DOK4: variants seen among roughly 807,000 people sequenced by gnomAD.
DOK4 encodes the protein docking protein 4.
Under a neutral mutation model 40.1 loss-of-function variants are expected in DOK4, and 26 were observed. The ratio of observed to expected loss-of-function variants is 0.65; its 90% CI spans 0.48 to 0.90. The LOEUF (loss-of-function observed/expected upper bound fraction) is 0.90. DOK4 is among the 40% of genes least tolerant of loss of function. The pLI, the probability that DOK4 is intolerant of heterozygous loss-of-function variation, is 0.00. For synonymous variants in DOK4, 179 were observed against 177.0 expected, an observed-to-expected ratio of 1.01 and a Z score of -0.09; for missense variants, 392 against 437.2, an observed-to-expected ratio of 0.90 and a Z score of 0.92.
Position 57,479,597 on chromosome 16 carries a change from G to C in DOK4, c.-90C>G, listed in dbSNP as rs1157395663. 7.0e-7 allele frequency: 1 copy of C among 1,431,514 alleles called. No homozygotes were observed. Among genetic ancestry groups the C allele is most frequent in the Non-Finnish European group, 9.7e-7 (1 of 1,027,068 alleles). 88.7% of individuals were successfully genotyped at this position (1,431,514 alleles called of 1,614,324 possible). A position where few individuals can be genotyped will look rare whatever the true frequency, so the allele number is the denominator to read the frequency against. On this transcript the variant is annotated 5_prime_UTR_variant, in exon 2 of 9. Transcript: ENST00000340099. The surrounding 1 kb of genome is among the most constrained non-coding windows in gnomAD (Gnocchi z 5.8). ...GGGTCTCCGGCTCCTCCAATCACCTGTTCCAGACACTCTGTCGGGGCTGCC... is the reference window on the plus strand; with the variant it reads ...GGGTCTCCGGCTCCTCCAATCACCTCTTCCAGACACTCTGTCGGGGCTGCC...
chr16:57,474,062 A>G, intron 6 of DOK4, 23 bp from the exon 7 acceptor site: 1 of 1,613,302 alleles, frequency 6.2e-7, no homozygotes, highest in Middle Eastern at 1.7e-4. Flanking sequence ...CACAGAGGGC[A>G]AGATGGTGGG....
At chr16:57,486,932 T>C (rs759684520), upstream of DOK4, among the ~76,000 whole-genome samples, 56 of 152,096 alleles carry the variant, frequency 3.7e-4, no homozygotes, top group Non-Finnish European at 5.1e-4. Flanking sequence ...CCTCCTCTGC[T>C]ACCCCTCCTC....
chr16:57,475,047 T>C (rs542740645), intron 5 of DOK4, 53 bp downstream of exon 5: 5 of 1,549,248 alleles, frequency 3.2e-6, no homozygotes, highest in Admixed American at 3.4e-5. Flanking sequence ...CCTCCCTCCC[T>C]TCCTCTCTTC....
In DOK4 at chr16:57,485,990, G is replaced by T. The variant is rs940844236; in HGVS notation, c.-182+315C>A. Among the ~76,000 whole-genome samples the T allele has an allele frequency of 2.0e-5, 3 of 152,186 alleles. No homozygotes were observed. The highest frequency in any genetic ancestry group is 4.4e-5 in the Non-Finnish European group (3 of 68,020). On this transcript the variant is annotated intron_variant, in intron 1 of 8. Transcript: ENST00000340099. This position sits in a 1 kb window ranked among gnomAD's most constrained non-coding sequence, Gnocchi z 4.3. ...GGCTGGGTTATGCCCCTTCCGGGGG[G>T]GCAGGCCCGGGAGCGCAGGGCCTGG...
At chr16:57,486,208 G>A (rs1203631459) in intron 1 of DOK4, 97 bp downstream of exon 1, 1 of 152,168 alleles carries the variant, frequency 6.6e-6, no homozygotes, top group Non-Finnish European at 1.5e-5. Flanking sequence ...TCAGGTTCAG[G>A]AAGTGACTGA....
At position 57,479,046 on chromosome 16, in the gene DOK4, G is replaced by A. The variant is rs1027777922; in HGVS notation, c.66+396C>T. ...GGGAGGCCGGGGGTGGGGGGCAAAC[G>A]GAAGGGAGAGGAGGCCAGGGGAAGT... On this transcript the variant is annotated intron_variant, in intron 2 of 8. Transcript: ENST00000340099. This position sits in a 1 kb window ranked among gnomAD's most constrained non-coding sequence, Gnocchi z 5.8. Among the ~76,000 whole-genome samples the A allele has an allele frequency of 3.3e-5, 5 of 152,160 alleles. No homozygotes were observed. Among genetic ancestry groups the A allele is most frequent in the South Asian group, 2.1e-4 (1 of 4,826 alleles).
chr16:57,481,030 C>G (rs2031392719), intron 1 of DOK4, among the ~76,000 whole-genome samples: 1 of 152,138 alleles, frequency 6.6e-6, no homozygotes, highest in Non-Finnish European at 1.5e-5. Context: ...CAATGTGGCC[C>G]CTGTGTCTTC....
chr16:57,486,664 A>C (rs1378492626), upstream of DOK4, among the ~76,000 whole-genome samples: 3 of 90,452 alleles, frequency 3.3e-5, no homozygotes, highest in African/African-American at 8.6e-5. Context: ...GCTCATTCCC[A>C]CCGCCCCTCC....
chr16:57,474,988 G>A lies in DOK4; in HGVS notation c.410-6C>T. 1 of 1,603,816 alleles carries A rather than the reference G, an allele frequency of 6.2e-7. No individual in the cohort carries two copies. Reference sequence around the variant, plus strand: ...CAGGAAGACATTGAAGCGATCTGGAGTGGGGGAGGGTGGACAAGTGGGACC... The same window carrying A: ...CAGGAAGACATTGAAGCGATCTGGAATGGGGGAGGGTGGACAAGTGGGACC... On this transcript the variant is annotated splice_polypyrimidine_tract_variant and splice_region_variant and intron_variant, in intron 5 of 8. Transcript: ENST00000340099.
At chr16:57,476,193 C>A in intron 2 of DOK4, 1 of 546,278 alleles carries the variant, frequency 1.8e-6, no homozygotes, top group Non-Finnish European at 3.3e-6. Flanking sequence ...CGCTGTTCCA[C>A]AAAGGGTGCT....
rs755285438 is a variant in DOK4, at chr16:57,474,089, G to A, written c.600-50C>T. ...GATGGTGGGGACCCACCACAGACAT[G>A]CATGTGATTAGTTAGGCTCTCTTGC... On this transcript the variant is annotated intron_variant, in intron 6 of 8. Transcript: ENST00000340099. 8.1e-6 allele frequency: 13 copies of A among 1,606,972 alleles called. No individual in the cohort carries two copies. The South Asian group carries it at 1.4e-4, about 18-fold the overall frequency.
chr16:57,483,233 G>T (rs963092809), intron 1 of DOK4, among the ~76,000 whole-genome samples: 1 of 152,202 alleles, frequency 6.6e-6, no homozygotes, highest in Non-Finnish European at 1.5e-5. Flanking sequence ...AGTGGTGAGG[G>T]GGGGGCCCAG....
intron 1 of DOK4, among the ~76,000 whole-genome samples, chr16:57,483,555 A>C (rs1303711254): frequency 6.6e-6 from 1 of 152,192 alleles, no homozygotes; most frequent in African/African-American, 2.4e-5. Flanking sequence ...ACTTGAGCTC[A>C]GGAATTCCAG....
exon 6 of DOK4, chr16:57,474,953 G>T: frequency 6.2e-7 from 1 of 1,612,654 alleles, no homozygotes. Flanking sequence ...TCCAGGTTGG[G>T]GCAGGGCAGC....
rs2146670119 is a variant in DOK4, at chr16:57,483,324, A to G, written c.-182+2981T>C. Among the ~76,000 whole-genome samples the G allele has an allele frequency of 2.6e-5, 4 of 152,326 alleles. 1 individual carries two copies. The highest frequency in any genetic ancestry group is 2.6e-4 in the Admixed American group (4 of 15,300). Reference sequence around the variant, plus strand: ...CCCAAGCTGAGCCTGTGAAGGCCCAATAGGACAGCAAGAAGTGGAGAGCAG... The same window carrying G: ...CCCAAGCTGAGCCTGTGAAGGCCCAGTAGGACAGCAAGAAGTGGAGAGCAG... On this transcript the variant is annotated intron_variant, in intron 1 of 8. Transcript: ENST00000340099.
At chr16:57,486,665 C>T (rs1676921393), upstream of DOK4, among the ~76,000 whole-genome samples, 2 of 151,736 alleles carry the variant, frequency 1.3e-5, no homozygotes, top group South Asian at 2.1e-4. Context: ...CTCATTCCCA[C>T]CGCCCCTCCC....
At chr16:57,476,028 A>C in intron 2 of DOK4, 71 bp from the exon 3 acceptor site, 23 of 1,329,898 alleles carry the variant, frequency 1.7e-5, no homozygotes, top group South Asian at 1.2e-5. Flanking sequence ...CCCTGCAGCC[A>C]CCCCTGCCTG....
chr16:57,473,317 C>T (rs1237779136), exon 9 of DOK4: 3 of 1,565,140 alleles, frequency 1.9e-6, no homozygotes, highest in Non-Finnish European at 2.6e-6. Context: ...CCACGGTACA[C>T]TGCAGCCAGC....
chr16:57,473,910 C>T (rs1391635853), exon 7 of DOK4: 22 of 1,532,544 alleles, frequency 1.4e-5, no homozygotes, highest in Non-Finnish European at 2.0e-5. Context: ...CCCTCACGTT[C>T]TTCTCCATTT....
Sources: gnomAD v4.1 joint callset for allele counts (sites outside exome capture counted in the v4.1 genomes callset) on GRCh38, gnomAD v4.1.1 for gene constraint, Gnocchi (gnomAD v3.1) non-coding constraint, MANE v1.5 for transcripts, NCBI Gene and HGNC (gene_info 2026-07-23, HGNC 2026-07-21) for gene names.